MAST2: variants seen among roughly 807,000 people sequenced by gnomAD.
The protein encoded by MAST2 is microtubule associated serine/threonine kinase 2.
Under a neutral mutation model 147.4 loss-of-function variants are expected in MAST2, and 70 were observed. The ratio of observed to expected loss-of-function variants is 0.47; its 90% CI spans 0.39 to 0.58. MAST2 has a LOEUF of 0.58. MAST2 is among the 20% of genes least tolerant of loss of function. The pLI is 0.00. For missense variants in MAST2, 2,080 were observed against 2,302.3 expected (o/e 0.90, Z 1.98); for synonymous variants, 869 against 896.8 (o/e 0.97, Z 0.55).
At chr1:45,845,608 C>T (rs1001260363) in intron 3 of MAST2, among the ~76,000 whole-genome samples, 1 of 152,126 alleles carries the variant, frequency 6.6e-6, no homozygotes, top group Non-Finnish European at 1.5e-5. Flanking sequence ...AATTACATGT[C>T]AATTTAATTT....
chr1:45,985,747 A>G (rs921087404), intron 5 of MAST2, among the ~76,000 whole-genome samples: 3 of 152,168 alleles, frequency 2.0e-5, no homozygotes, highest in Non-Finnish European at 4.4e-5. Flanking sequence ...TAACCCATGA[A>G]CATGCTTTGT....
At chr1:45,906,243 G>C (rs955559611) in intron 4 of MAST2, among the ~76,000 whole-genome samples, 1 of 152,132 alleles carries the variant, frequency 6.6e-6, no homozygotes, top group African/African-American at 2.4e-5. Flanking sequence ...ACAACAGACT[G>C]CATAGACACT....
chr1:45,926,674 GC>G (rs1027495458), intron 4 of MAST2, among the ~76,000 whole-genome samples: 39 of 152,290 alleles, frequency 2.6e-4, no homozygotes, highest in African/African-American at 9.1e-4. Flanking sequence ...TCCTCTTACA[GC>G]AGGGAAAGCG....
chr1:46,029,713 G>T, intron 19 of MAST2, 118 bp from the exon 20 acceptor site: 1 of 1,413,314 alleles, frequency 7.1e-7, no homozygotes, highest in East Asian at 2.3e-5. Flanking sequence ...GAAAAGGGAA[G>T]ATGCTTGAGC....
Position 45,908,817 on chromosome 1 carries a change from G to A in MAST2, c.500+26422G>A, listed in dbSNP as rs139472735. 1.7e-3 allele frequency among the ~76,000 whole-genome samples: 253 copies of A among 152,280 alleles called. 1 individual carries two copies. Among genetic ancestry groups the A allele is most frequent in the Non-Finnish European group, 2.8e-4 (19 of 68,014 alleles). ...GCTTGAACTCTAGCTGTCTGCCCTT[G>A]TAAGAAAATTGCTCCCAGGCAGCTG... On this transcript the variant is annotated intron_variant, in intron 4 of 28. Transcript: ENST00000361297.
intron 4 of MAST2, among the ~76,000 whole-genome samples, chr1:45,931,377 G>GTTTTTTTTTTTTTTTTTT (rs71587091): frequency 2.0e-5 from 2 of 101,204 alleles, no homozygotes; most frequent in East Asian, 3.2e-4. Flanking sequence ...ATTGTGTTCT[G>GTTTTTTTTTTTTTTTTTT]TTTTTTTTTT....
rs1174753090 is a variant in MAST2 at position 45,820,676 on chromosome 1, C to T, written c.178-3757C>T. ...AATAATACTGGCTGTGATATTTGTC[C>T]ATATGGTTACCTTTGCTGGGGATCT... On this transcript the variant is annotated intron_variant, in intron 1 of 28. Coordinates refer to ENST00000361297, the MANE Select transcript of MAST2 (RefSeq NM_015112.3). Among the ~76,000 whole-genome samples, 14 of 152,000 alleles carry T rather than the reference C, an allele frequency of 9.2e-5. No homozygotes were observed. The East Asian group carries it at 2.7e-3, about 29-fold the overall frequency.
Position 46,031,637 on chromosome 1 carries a change from T to C in MAST2, c.3187+52T>C, listed in dbSNP as rs755568860. ...AACTCACAGGAAGGGCCTTGTAATC[T>C]CTAGGCCTTGGGAGGGTTCTGCACG... On this transcript the variant is annotated intron_variant, in intron 24 of 28. Coordinates refer to ENST00000361297, the MANE Select transcript of MAST2 (RefSeq NM_015112.3). The surrounding 1 kb of genome is among the most constrained non-coding windows in gnomAD (Gnocchi z 4.1). 4 of 1,546,472 alleles carry C rather than the reference T, an allele frequency of 2.6e-6. No homozygotes were observed. In the African/African-American group the frequency reaches 4.1e-5, roughly 16 times the overall value.
At chr1:45,924,723 C>T (rs537159536) in intron 4 of MAST2, among the ~76,000 whole-genome samples, 1 of 152,278 alleles carries the variant, frequency 6.6e-6, no homozygotes, top group South Asian at 2.1e-4. Flanking sequence ...CTCAGAACGT[C>T]ACTGTATTTG....
intron 5 of MAST2, among the ~76,000 whole-genome samples, chr1:45,981,765 A>G (rs1051576144): frequency 2.0e-5 from 3 of 151,812 alleles, no homozygotes; most frequent in African/African-American, 7.3e-5. Context: ...GATTTTTCTC[A>G]CTGTCATAAT....
At chr1:45,923,296 G>C (rs370439929) in intron 4 of MAST2, among the ~76,000 whole-genome samples, 1 of 152,186 alleles carries the variant, frequency 6.6e-6, no homozygotes, top group Non-Finnish European at 1.5e-5. Context: ...CGGAAGACCC[G>C]TGTCCTGCAT....
intron 6 of MAST2, among the ~76,000 whole-genome samples, chr1:46,000,578 C>G (rs1027163510): frequency 1.3e-5 from 2 of 152,104 alleles, no homozygotes; most frequent in Non-Finnish European, 2.9e-5. Flanking sequence ...CAGGTCTATG[C>G]TAAGTGGCAT....
intron 3 of MAST2, among the ~76,000 whole-genome samples, chr1:45,874,822 G>T (rs1646533530): frequency 6.6e-6 from 1 of 152,210 alleles, no homozygotes; most frequent in African/African-American, 2.4e-5. Context: ...TATGATTGAG[G>T]AATTAAAGGA....
chr1:45,899,759 G>A lies in MAST2; in HGVS notation c.500+17364G>A, dbSNP rs542035324. On this transcript the variant is annotated intron_variant, in intron 4 of 28. Transcript: ENST00000361297. ...GAATTTGTATTGTGAATAGTGCTGC[G>A]ATAAATGTACCAGTGTAGGTGTCTT... Among the ~76,000 whole-genome samples the A allele has an allele frequency of 3.3e-5, 5 of 151,766 alleles. No individual in the cohort carries two copies. In the South Asian group the frequency reaches 1.0e-3, roughly 32 times the overall value.
intron 3 of MAST2, among the ~76,000 whole-genome samples, chr1:45,875,544 T>C (rs761345204): frequency 6.6e-6 from 1 of 152,198 alleles, no homozygotes; most frequent in African/African-American, 2.4e-5. Context: ...TACATTGATA[T>C]AACATTAATC....
chr1:45,847,583 C>A, intron 3 of MAST2: 1 of 803,844 alleles, frequency 1.2e-6, no homozygotes, highest in Non-Finnish European at 2.0e-6. Context: ...CCATCCTGCA[C>A]TTTTTCCCTT....
chr1:45,971,320 A>AC (rs2148991910), intron 5 of MAST2, among the ~76,000 whole-genome samples: 1 of 152,288 alleles, frequency 6.6e-6, no homozygotes, highest in Non-Finnish European at 1.5e-5. Flanking sequence ...AGGCCTAGAG[A>AC]GAGAAAGTAG....
intron 4 of MAST2, among the ~76,000 whole-genome samples, chr1:45,948,690 G>C (rs1658461439): frequency 9.4e-6 from 1 of 106,572 alleles, no homozygotes. Flanking sequence ...CTGGGCGACA[G>C]AGTGAGACTC....
chr1:45,822,414 CTCTT>C (rs758848000), intron 1 of MAST2, among the ~76,000 whole-genome samples: 26 of 152,104 alleles, frequency 1.7e-4, no homozygotes, highest in Non-Finnish European at 3.1e-4. Context: ...GTGTGATCCT[CTCTT>C]TCTTTTCTCC....
Sources: allele counts gnomAD v4.1 joint callset (sites outside exome capture counted in the v4.1 genomes callset), GRCh38; gene constraint gnomAD v4.1.1; non-coding constraint Gnocchi (gnomAD v3.1); transcripts MANE v1.5; gene names NCBI Gene and HGNC (gene_info 2026-07-23, HGNC 2026-07-21).